Variants in ZMYM2 observed in about 807,000 individuals in gnomAD.
ZMYM2 encodes the protein zinc finger MYM-type containing 2.
ZMYM2 carries 56 observed loss-of-function variants against 162.8 expected under a neutral mutation model. The observed-to-expected ratio is 0.34, with a 90% confidence interval of 0.28 to 0.43. The LOEUF (loss-of-function observed/expected upper bound fraction) is 0.43, where lower values mean the gene tolerates loss of function less well. ZMYM2 is among the 20% of genes least tolerant of loss of function. The pLI is 1.00. For synonymous variants in ZMYM2, 510 were observed against 541.6 expected, an observed-to-expected ratio of 0.94 and a Z score of 0.81; for missense variants, 1,275 against 1,621.8, an observed-to-expected ratio of 0.79 and a Z score of 3.67.
chr13:19,895,076 CAAAAA>C, the ZMYM2 span, among the ~76,000 whole-genome samples: 2 of 83,752 alleles, frequency 2.4e-5, no homozygotes, highest in African/African-American at 4.8e-5. Flanking sequence ...AACTCCATCT[CAAAAA>C]AAAAAAAAAA....
At position 19,993,396 on chromosome 13, in the gene ZMYM2, T is replaced by G. The variant is rs766555148; in HGVS notation, c.324T>G (p.Ser108=). The G allele has an allele frequency of 6.8e-6, 11 of 1,613,678 alleles. No homozygotes were observed. Among genetic ancestry groups the G allele is most frequent in the South Asian group, 4.4e-5 (4 of 91,032 alleles). Residue 108 remains serine (S), a synonymous_variant, in exon 3 of 25, where the codon TCT becomes TCG. Coordinates refer to ENST00000610343, the MANE Select transcript of ZMYM2 (RefSeq NM_197968.4). ...CTCCTTCCTCAAAAGAGTTGGCATC[T>G]CAGAAGGGAAGTGTAAGTGAGACAA... ...KITPSSKELA[S]QKGSVSETIV... is the part of the protein sequence containing the mutation.
chr13:19,979,010 G>T (rs557788852), intron 2 of ZMYM2, among the ~76,000 whole-genome samples: 1 of 149,156 alleles, frequency 6.7e-6, no homozygotes, highest in African/African-American at 2.6e-5. Context: ...GCTGCGTATA[G>T]AATTCTTGGC....
rs1955431111 is a variant in ZMYM2 at position 20,052,293 on chromosome 13, A to G, written c.2475A>G (p.Thr825=). Residue 825 remains threonine (T), a synonymous_variant, in exon 14 of 25, where the codon ACA becomes ACG. Coordinates refer to ENST00000610343, the MANE Select transcript of ZMYM2 (RefSeq NM_197968.4). ...ENLHYDQGCQ[T]SRTKMTGSAP... Reference sequence around the variant, plus strand: ...GTTTTTTAGATCAGGGTTGTCAGACATCTCGAACCAAAATGACAGTAAGTA... The same window carrying G: ...GTTTTTTAGATCAGGGTTGTCAGACGTCTCGAACCAAAATGACAGTAAGTA... 1 of 1,570,126 alleles carries G rather than the reference A, an allele frequency of 6.4e-7. No homozygotes were observed. The highest frequency in any genetic ancestry group is 8.6e-7 in the Non-Finnish European group (1 of 1,156,680).
chr13:19,975,531 C>G (rs558972020), intron 2 of ZMYM2, among the ~76,000 whole-genome samples: 37 of 152,240 alleles, frequency 2.4e-4, no homozygotes, highest in Admixed American at 3.3e-4. Flanking sequence ...ATAATATTCC[C>G]CTGTGTATGT....
chr13:20,061,263 A>C lies in ZMYM2; in HGVS notation c.2911+39A>C, dbSNP rs776628316. On this transcript the variant is annotated intron_variant, in intron 17 of 24. Transcript: ENST00000610343. Reference sequence around the variant, plus strand: ...AATTATACCTTGCGAATAAGTGTTAACATTGGTTATTTATAAGTATTGTTA... The same window carrying C: ...AATTATACCTTGCGAATAAGTGTTACCATTGGTTATTTATAAGTATTGTTA... The C allele has an allele frequency of 5.7e-6, 9 of 1,591,742 alleles. No individual in the cohort carries two copies. In the African/African-American group the frequency reaches 9.4e-5, roughly 17 times the overall value.
At chr13:20,014,215 A>AG (rs1230509887) in intron 6 of ZMYM2, among the ~76,000 whole-genome samples, 1 of 152,086 alleles carries the variant, frequency 6.6e-6, no homozygotes, top group African/African-American at 2.4e-5. Flanking sequence ...CTGGGACTAC[A>AG]GGCGCCTGCC....
intron 6 of ZMYM2, among the ~76,000 whole-genome samples, chr13:20,008,741 T>C (rs1439990795): frequency 6.6e-6 from 1 of 152,260 alleles, no homozygotes; most frequent in Non-Finnish European, 1.5e-5. Flanking sequence ...AATGTCCTTT[T>C]TTTTTGTGCA....
chr13:19,929,149 A>G, the ZMYM2 span, among the ~76,000 whole-genome samples: 1 of 152,194 alleles, frequency 6.6e-6, no homozygotes, highest in Non-Finnish European at 1.5e-5. Flanking sequence ...ATAATCATAT[A>G]TCTATAAATA....
intron 9 of ZMYM2, among the ~76,000 whole-genome samples, chr13:20,028,292 T>C (rs904170453): frequency 6.6e-6 from 1 of 152,128 alleles, no homozygotes; most frequent in Non-Finnish European, 1.5e-5. Context: ...CTTACAGTGG[T>C]AGATATTGCT....
At chr13:19,982,721 A>G (rs1431298631) in intron 2 of ZMYM2, among the ~76,000 whole-genome samples, 1 of 152,194 alleles carries the variant, frequency 6.6e-6, no homozygotes, top group African/African-American at 2.4e-5. Flanking sequence ...TGATGAAGAT[A>G]GTTCCTACCT....
chr13:19,895,931 T>TA, the ZMYM2 span, among the ~76,000 whole-genome samples: 1 of 151,570 alleles, frequency 6.6e-6, no homozygotes, highest in African/African-American at 2.4e-5. Flanking sequence ...TATTCAGCCT[T>TA]AAAAGGAAGG....
At chr13:19,906,795 A>C in the ZMYM2 span, among the ~76,000 whole-genome samples, 1 of 152,136 alleles carries the variant, frequency 6.6e-6, no homozygotes, top group Non-Finnish European at 1.5e-5. Flanking sequence ...TTGCAGGCTC[A>C]AGCAATCCTC....
the ZMYM2 span, among the ~76,000 whole-genome samples, chr13:19,902,552 C>A: frequency 6.6e-6 from 1 of 151,646 alleles, no homozygotes; most frequent in Non-Finnish European, 1.5e-5. Context: ...GGAGGCAGAG[C>A]TTGCAGTGAG....
the ZMYM2 span, among the ~76,000 whole-genome samples, chr13:19,945,466 G>A: frequency 2.0e-5 from 3 of 151,936 alleles, no homozygotes; most frequent in Non-Finnish European, 4.4e-5. Context: ...TACCCTGGCT[G>A]GTCTTGAACT....
intron 2 of ZMYM2, among the ~76,000 whole-genome samples, chr13:19,963,035 C>T (rs1193360958): frequency 2.6e-5 from 4 of 151,940 alleles, no homozygotes; most frequent in African/African-American, 7.3e-5. Flanking sequence ...GACAAGGTTT[C>T]ACCATGTTGG....
At chr13:20,034,228 T>C in intron 10 of ZMYM2, 26 bp from the exon 11 acceptor site, 1 of 1,555,964 alleles carries the variant, frequency 6.4e-7, no homozygotes, top group South Asian at 1.2e-5. Flanking sequence ...GTCATATACT[T>C]ACCAAGGTTC....
chr13:20,071,464 CTT>C (rs1466951547), intron 21 of ZMYM2, among the ~76,000 whole-genome samples: 1 of 152,174 alleles, frequency 6.6e-6, no homozygotes, highest in Non-Finnish European at 1.5e-5. Context: ...ACAAAGTCTT[CTT>C]GGTTTTAAGT....
chr13:19,864,416 C>T, the ZMYM2 span: 1 of 155,070 alleles, frequency 6.4e-6, no homozygotes, highest in African/African-American at 2.4e-5. Context: ...CGACTGGGCT[C>T]TGCCATTCGG....
At chr13:20,031,817 C>G (rs9579772) in intron 10 of ZMYM2, among the ~76,000 whole-genome samples, 1 of 150,566 alleles carries the variant, frequency 6.6e-6, no homozygotes, top group Non-Finnish European at 1.5e-5. Flanking sequence ...TAGAATGTAT[C>G]AGTCATATAC....
Sources: gnomAD v4.1 joint callset for allele counts (sites outside exome capture counted in the v4.1 genomes callset) on GRCh38, gnomAD v4.1.1 for gene constraint, MANE v1.5 for transcripts, NCBI Gene and HGNC (gene_info 2026-07-23, HGNC 2026-07-21) for gene names.